Variants in FTH1 observed in about 807,000 individuals in gnomAD.
The protein encoded by FTH1 is ferritin heavy chain.
In FTH1, 3 loss-of-function variants were observed where a neutral mutation model predicts 21.8. That is an observed-to-expected ratio of 0.14 (90% CI 0.06 to 0.36). FTH1 has a LOEUF of 0.36. Ranked by LOEUF, FTH1 falls within the 10% of genes least tolerant of loss-of-function variation. The pLI, the probability that FTH1 is intolerant of heterozygous loss-of-function variation, is 1.00. For missense variants in FTH1, 147 were observed against 225.8 expected, an observed-to-expected ratio of 0.65 and a Z score of 2.24; for synonymous variants, 83 against 90.1, an observed-to-expected ratio of 0.92 and a Z score of 0.45.
Position 61,965,077 on chromosome 11 carries a change from A to G in FTH1, c.297T>C (p.Asn99=), listed in dbSNP as rs770111345. ...PDCDDWESGL[N]AMECALHLEK... ...CCAAATGTAATGCACACTCCATTGC[A>G]TTCAGCCCGCTCTCCCAGTCATCAC... The change falls in exon 3 of 4, where the codon AAT becomes AAC. Residue 99 remains asparagine, a synonymous_variant. Coordinates refer to ENST00000273550, the MANE Select transcript of FTH1 (RefSeq NM_002032.3). 2 of 1,608,348 alleles carry G rather than the reference A, an allele frequency of 1.2e-6. No individual in the cohort carries two copies. The highest frequency in any genetic ancestry group is 4.5e-5 in the East Asian group (2 of 44,884).
chr11:61,964,421 A>G lies in FTH1; in HGVS notation c.*306T>C. 1 of 619,192 alleles carries G rather than the reference A, an allele frequency of 1.6e-6. No homozygotes were observed. Among genetic ancestry groups the G allele is most frequent in the Non-Finnish European group, 2.8e-6 (1 of 358,024 alleles). The allele number at this position is 619,192 out of a possible 1,614,324, so 38.4% of individuals were successfully genotyped here. A position where few individuals can be genotyped will look rare whatever the true frequency, so the allele number is the denominator to read the frequency against. ...ATCCAAGACAGCCACACCTTAGTAT[A>G]CTGCCCAAACTAATGAGTTTAATAA... On this transcript the variant is annotated 3_prime_UTR_variant, in exon 4 of 4. Coordinates refer to ENST00000273550, the MANE Select transcript of FTH1 (RefSeq NM_002032.3).
chr11:61,965,263 C>A, intron 2 of FTH1, 106 bp downstream of exon 2: 7 of 1,592,720 alleles, frequency 4.4e-6, no homozygotes, highest in Admixed American at 1.7e-5. Flanking sequence ...AAGGCAAAAG[C>A]CCAGTGTATC....
intron 3 of FTH1, 24 bp downstream of exon 3, chr11:61,964,962 TA>T: frequency 6.2e-7 from 1 of 1,614,180 alleles, no homozygotes; most frequent in Non-Finnish European, 8.5e-7. Flanking sequence ...TTCCTCCATT[TA>T]TTTCCTGGGG....
intron 1 of FTH1, among the ~76,000 whole-genome samples, chr11:61,965,749 C>A (rs1448716173): frequency 1.3e-5 from 2 of 152,196 alleles, no homozygotes; most frequent in African/African-American, 4.8e-5. Context: ...AACTTAACTT[C>A]AAGGAACCTT....
chr11:61,965,180 C>A, intron 2 of FTH1, 68 bp from the exon 3 acceptor site: 3 of 1,601,266 alleles, frequency 1.9e-6, no homozygotes, highest in Non-Finnish European at 2.5e-6. Context: ...TCATCTCTAA[C>A]CACCACGTTT....
At position 61,964,638 on chromosome 11, in the gene FTH1, T is replaced by C. The variant is rs915596954; in HGVS notation, c.*89A>G. 20 of 1,366,890 alleles carry C rather than the reference T, an allele frequency of 1.5e-5. 1 individual carries two copies. Among genetic ancestry groups the C allele is most frequent in the South Asian group, 1.2e-4 (10 of 85,302 alleles). The allele number at this position is 1,366,890 out of a possible 1,614,324, so 84.7% of individuals were successfully genotyped here. On this transcript the variant is annotated 3_prime_UTR_variant, in exon 4 of 4. Coordinates refer to ENST00000273550, the MANE Select transcript of FTH1 (RefSeq NM_002032.3). ...TAAGTGGATGTTTTGGTACAACTTA[T>C]AGAAAAGGTAAAGGAAACCCCAACA...
chr11:61,966,422 G>A (rs76178964), intron 1 of FTH1, among the ~76,000 whole-genome samples: 2,729 of 152,348 alleles, frequency 0.018, 74 homozygotes, highest in African/African-American at 0.063. Context: ...GTGAAAGGCA[G>A]TGACAGTCAC....
intron 2 of FTH1, 103 bp downstream of exon 2, chr11:61,965,266 A>G (rs934416956): frequency 2.5e-6 from 4 of 1,593,094 alleles, no homozygotes; most frequent in Non-Finnish European, 3.4e-6. Flanking sequence ...GCAAAAGCCC[A>G]GTGTATCATC....
At chr11:61,965,162 C>T in intron 2 of FTH1, 50 bp from the exon 3 acceptor site, 2 of 1,602,156 alleles carry the variant, frequency 1.2e-6, no homozygotes, top group Non-Finnish European at 1.7e-6. Flanking sequence ...TAGAAGTCAG[C>T]AAGCCCATCA....
In FTH1 at chr11:61,964,537, T is replaced by C. The variant is rs1287650512; in HGVS notation, c.*190A>G. 7.2e-6 allele frequency: 5 copies of C among 690,368 alleles called. No individual in the cohort carries two copies. The highest frequency in any genetic ancestry group is 9.8e-6 in the Non-Finnish European group (4 of 410,012). The allele number at this position is 690,368 out of a possible 1,614,324, so 42.8% of individuals were successfully genotyped here. On this transcript the variant is annotated 3_prime_UTR_variant, in exon 4 of 4. Transcript: ENST00000273550. ...GAAGATAGCCTGGATAGATTTCTGATTCATCCCAAGACCTCAAAGACAACA... is the reference window on the plus strand; with the variant it reads ...GAAGATAGCCTGGATAGATTTCTGACTCATCCCAAGACCTCAAAGACAACA...
At chr11:61,966,278 A>C (rs1942460084) in intron 1 of FTH1, among the ~76,000 whole-genome samples, 1 of 152,194 alleles carries the variant, frequency 6.6e-6, no homozygotes, top group Non-Finnish European at 1.5e-5. Context: ...TGTCTCTCAC[A>C]CACACACACA....
chr11:61,967,153 C>T (rs983528688), intron 1 of FTH1, 159 bp downstream of exon 1: 20 of 446,592 alleles, frequency 4.5e-5, no homozygotes, highest in African/African-American at 2.3e-4. Flanking sequence ...CGACTTTCTG[C>T]GCCAGAGAAG....
Position 61,964,427 on chromosome 11 carries a change from C to A in FTH1, c.*300G>T. On this transcript the variant is annotated 3_prime_UTR_variant, in exon 4 of 4. Transcript: ENST00000273550. ...GACAGCCACACCTTAGTATACTGCC[C>A]AAACTAATGAGTTTAATAAATACAA... 1 of 618,034 alleles carries A rather than the reference C, an allele frequency of 1.6e-6. No individual in the cohort carries two copies. The highest frequency in any genetic ancestry group is 2.8e-6 in the Non-Finnish European group (1 of 357,086). The allele number at this position is 618,034 out of a possible 1,614,324, so 38.3% of individuals were successfully genotyped here.
At chr11:61,967,268 A>C in intron 1 of FTH1, 44 bp downstream of exon 1, 2 of 1,323,946 alleles carry the variant, frequency 1.5e-6, no homozygotes, top group East Asian at 3.1e-5. Flanking sequence ...CGCCCCGGGA[A>C]CCGCGCCCGG....
Position 61,964,467 on chromosome 11 carries a change from T to C in FTH1, c.*260A>G, listed in dbSNP as rs946301385. The C allele has an allele frequency of 1.1e-5, 7 of 615,066 alleles. No homozygotes were observed. The African/African-American group carries it at 1.3e-4, about 11-fold the overall frequency. The allele number at this position is 615,066 out of a possible 1,614,324, so 38.1% of individuals were successfully genotyped here. A position where few individuals can be genotyped will look rare whatever the true frequency, so the allele number is the denominator to read the frequency against. On this transcript the variant is annotated 3_prime_UTR_variant, in exon 4 of 4. Coordinates refer to ENST00000273550, the MANE Select transcript of FTH1 (RefSeq NM_002032.3). ...AATAAATACAAATACTCGTTTCTTT[T>C]TGATTAGTGTGATTAGAACTGAACA...
intron 1 of FTH1, chr11:61,967,108 A>T: frequency 2.5e-6 from 1 of 401,314 alleles, no homozygotes; most frequent in Non-Finnish European, 4.4e-6. Flanking sequence ...AGGAGGGAGC[A>T]TTCTCAGGGT....
chr11:61,967,098 A>AG (rs1296588047), intron 1 of FTH1: 1 of 388,166 alleles, frequency 2.6e-6, no homozygotes, highest in Non-Finnish European at 4.5e-6. Context: ...GCCCTGGCCT[A>AG]GGAGGGAGCA....
chr11:61,965,271 A>G (rs1942425564), intron 2 of FTH1, 98 bp downstream of exon 2: 1 of 1,595,020 alleles, frequency 6.3e-7, no homozygotes, highest in African/African-American at 1.3e-5. Context: ...AGCCCAGTGT[A>G]TCATCACTTT....
rs201262870 is a variant in FTH1, at chr11:61,965,653, G to C, written c.115-138C>G. On this transcript the variant is annotated intron_variant, in intron 1 of 3. Coordinates refer to ENST00000273550, the MANE Select transcript of FTH1 (RefSeq NM_002032.3). ...ACAGCATGAAGGAATCAGTGCCTAA[G>C]GAGACTGGGGGGCAGATGAGCTACT... 4.6e-6 allele frequency: 4 copies of C among 860,822 alleles called. No homozygotes were observed. In the East Asian group the frequency reaches 7.4e-5, roughly 16 times the overall value. 53.3% of individuals were successfully genotyped at this position (860,822 alleles called of 1,614,324 possible).
Sources: allele counts gnomAD v4.1 joint callset (sites outside exome capture counted in the v4.1 genomes callset), GRCh38; gene constraint gnomAD v4.1.1; transcripts MANE v1.5; gene names NCBI Gene and HGNC (gene_info 2026-07-23, HGNC 2026-07-21).